The following SOX13 variants were observed in gnomAD, a reference collection of about 807,000 sequenced individuals.
The protein encoded by SOX13 is transcription factor SOX-13.
In SOX13, 28 loss-of-function variants were observed where a neutral mutation model predicts 71.8. The observed-to-expected ratio is 0.39, with a 90% CI of 0.29 to 0.53. The LOEUF is 0.53. Ranked by LOEUF, SOX13 falls within the 20% of genes least tolerant of loss-of-function variation. The pLI is 0.70. For missense variants in SOX13, 627 were observed against 810.3 expected, an observed-to-expected ratio of 0.77 and a Z score of 2.75; for synonymous variants, 309 against 317.8, an observed-to-expected ratio of 0.97 and a Z score of 0.29.
chr1:204,085,424 C>T (rs977338146), intron 1 of SOX13, among the ~76,000 whole-genome samples: 2 of 152,214 alleles, frequency 1.3e-5, no homozygotes, highest in Non-Finnish European at 2.9e-5. Flanking sequence ...TATTGTCCCT[C>T]TTCTTGAGAG....
chr1:204,085,382 C>A (rs544953958), intron 1 of SOX13, among the ~76,000 whole-genome samples: 2 of 152,306 alleles, frequency 1.3e-5, no homozygotes, highest in Admixed American at 6.5e-5. Flanking sequence ...AACTGCCCGA[C>A]ATATAGTAAG....
Position 204,114,541 on chromosome 1 carries a change from G to A in SOX13, c.354G>A (p.Leu118=). The change falls in exon 4 of 14, where the codon CTG becomes CTA. Residue 118 remains leucine, a synonymous_variant. Transcript: ENST00000367204. ...CAGTGGTGCCAGCCATAGAGAAGCT[G>A]TTGTCCAGTGACTGGAAGGAGAGGT... The part of the protein sequence containing the change: ...LKEVVPAIEK[L]LSSDWKERFL... 6.2e-7 allele frequency: 1 copy of A among 1,613,916 alleles called. No homozygotes were observed. The highest frequency in any genetic ancestry group is 1.1e-5 in the South Asian group (1 of 91,078).
intron 2 of SOX13, 142 bp from the exon 3 acceptor site, chr1:204,114,179 C>A: frequency 1.7e-6 from 1 of 589,288 alleles, no homozygotes. Context: ...CAGGTGGAGG[C>A]CAAAGGGACC....
intron 1 of SOX13, among the ~76,000 whole-genome samples, chr1:204,100,710 G>A (rs3795579): frequency 6.6e-6 from 1 of 151,842 alleles, no homozygotes; most frequent in Non-Finnish European, 1.5e-5. Flanking sequence ...AACGGAACGC[G>A]TTGTTCACTG....
intron 1 of SOX13, among the ~76,000 whole-genome samples, chr1:204,111,925 G>A (rs1452039573): frequency 6.6e-6 from 1 of 152,054 alleles, no homozygotes; most frequent in African/African-American, 2.4e-5. Flanking sequence ...AAGACTATAT[G>A]TCTTATATAT....
intron 2 of SOX13, 32 bp from the exon 3 acceptor site, chr1:204,114,289 G>T (rs912316102): frequency 1.4e-5 from 20 of 1,438,080 alleles, no homozygotes; most frequent in Non-Finnish European, 1.8e-5. Flanking sequence ...CTTCTCTTGG[G>T]GGTTATGGTG....
intron 1 of SOX13, among the ~76,000 whole-genome samples, chr1:204,098,337 C>T (rs1338104656): frequency 2.0e-5 from 3 of 152,098 alleles, no homozygotes; most frequent in East Asian, 3.9e-4. Context: ...ATTAGCCGGG[C>T]GTGGAGGCGC....
chr1:204,127,715 T>C lies in SOX13; in HGVS notation c.*1581T>C, dbSNP rs924301903. The stretch of plus-strand genomic sequence containing the variant: ...CTCGGGGGATTTTTTTGTTTTCTGA[T>C]GACATAATAAAGACAGATCATTTCA... On this transcript the variant is annotated 3_prime_UTR_variant, in exon 14 of 14. Transcript: ENST00000367204. The C allele has an allele frequency of 3.3e-5, 5 of 152,638 alleles. No homozygotes were observed. The highest frequency in any genetic ancestry group is 7.2e-5 in the African/African-American group (3 of 41,458). 9.5% of individuals were successfully genotyped at this position (152,638 alleles called of 1,614,324 possible). A position where few individuals can be genotyped will look rare whatever the true frequency, so the allele number is the denominator to read the frequency against.
chr1:204,112,527 A>ACT lies in SOX13; in HGVS notation c.-1-387_-1-386dup, dbSNP rs374243810. On this transcript the variant is annotated intron_variant, in intron 1 of 13. Coordinates refer to ENST00000367204, the MANE Select transcript of SOX13 (RefSeq NM_005686.3). ...CACACACACACACACACACACACAC[A>ACT]CTTTCTCTCTCTCGCTGTCGCTCTC... is the stretch of plus-strand genomic sequence containing the variant. 6.5e-3 allele frequency among the ~76,000 whole-genome samples: 968 copies of ACT among 147,880 alleles called. 8 individuals are homozygous for ACT. The highest frequency in any genetic ancestry group is 0.018 in the African/African-American group (745 of 40,286).
At position 204,117,588 on chromosome 1, in the gene SOX13, T is replaced by G; in HGVS notation, c.661-5T>G. The G allele has an allele frequency of 1.9e-6, 3 of 1,600,164 alleles. No individual in the cohort carries two copies. The highest frequency in any genetic ancestry group is 1.7e-4 in the Middle Eastern group (1 of 6,036). ...GGGACTCACACAGGGTTTCTTTGCC[T>G]TCAGCAGGTTAACATGCCTTATGTC... is the stretch of plus-strand genomic sequence containing the variant. On this transcript the variant is annotated splice_polypyrimidine_tract_variant and splice_region_variant and intron_variant, in intron 6 of 13. Coordinates refer to ENST00000367204, the MANE Select transcript of SOX13 (RefSeq NM_005686.3).
intron 1 of SOX13, among the ~76,000 whole-genome samples, chr1:204,090,978 G>A (rs566796124): frequency 1.2e-4 from 18 of 152,172 alleles, no homozygotes; most frequent in Non-Finnish European, 2.4e-4. Flanking sequence ...CCTTGGACAC[G>A]GGCCGAGGAG....
intron 1 of SOX13, among the ~76,000 whole-genome samples, chr1:204,086,380 T>C (rs980039985): frequency 6.6e-6 from 1 of 152,200 alleles, no homozygotes; most frequent in African/African-American, 2.4e-5. Flanking sequence ...CTCGGCTCAC[T>C]GCAACCTCCG....
At chr1:204,086,429 G>A (rs1385844306) in intron 1 of SOX13, among the ~76,000 whole-genome samples, 2 of 152,002 alleles carry the variant, frequency 1.3e-5, no homozygotes, top group East Asian at 1.9e-4. Context: ...TCAGCCTCCC[G>A]AGTAGCTGGG....
intron 1 of SOX13, 46 bp from the exon 2 acceptor site, chr1:204,112,869 G>A (rs370794011): frequency 1.7e-5 from 27 of 1,543,794 alleles, no homozygotes; most frequent in Non-Finnish European, 8.9e-6. Context: ...CTGGGCAGAA[G>A]TTTACGACTG....
At chr1:204,116,829 C>T in intron 5 of SOX13, 150 bp downstream of exon 5, 9 of 1,374,356 alleles carry the variant, frequency 6.5e-6, no homozygotes, top group Non-Finnish European at 8.8e-6. Context: ...CTGTAGGATT[C>T]CCACCTGGAC....
At chr1:204,121,539 G>T (rs1049972415) in intron 7 of SOX13, among the ~76,000 whole-genome samples, 3 of 152,196 alleles carry the variant, frequency 2.0e-5, no homozygotes, top group African/African-American at 7.2e-5. Flanking sequence ...TACACAACAG[G>T]CAGCCGCTTT....
At chr1:204,124,596 A>G in intron 12 of SOX13, 45 bp from the exon 13 acceptor site, 1 of 1,532,660 alleles carries the variant, frequency 6.5e-7, no homozygotes, top group Non-Finnish European at 8.9e-7. Flanking sequence ...GGGGGTGGTC[A>G]GCAGAGCCCA....
At chr1:204,121,726 G>C in intron 7 of SOX13, 174 bp from the exon 8 acceptor site, 1 of 678,958 alleles carries the variant, frequency 1.5e-6, no homozygotes, top group East Asian at 2.7e-5. Flanking sequence ...GCAGTGTGGA[G>C]TGAGGGGATA....
chr1:204,126,016 G>T lies in SOX13; in HGVS notation c.1751G>T (p.Gly584Val), dbSNP rs1656914026. 4 of 1,613,902 alleles carry T rather than the reference G, an allele frequency of 2.5e-6. No individual in the cohort carries two copies. The South Asian group carries it at 3.3e-5, about 13-fold the overall frequency. ...IVNTCSLREE[G>V]EGTDDRHSVA... ...AACACCTGCAGCCTCAGAGAGGAGG[G>T]TGAGGGCACAGATGACAGGCACTCG... Residue 584 changes from glycine (G) to valine (V), a missense_variant, in exon 14 of 14, where the codon GGT becomes GTT. By Grantham distance (109) the Gly-to-Val change is moderately radical. This residue lies in a region of SOX13 where 148 missense variants were observed against 192.7 expected (regional missense o/e 0.77). Coordinates refer to ENST00000367204, the MANE Select transcript of SOX13 (RefSeq NM_005686.3).
Sources: allele counts gnomAD v4.1 joint callset (sites outside exome capture counted in the v4.1 genomes callset), GRCh38; gene constraint gnomAD v4.1.1; regional missense constraint gnomAD v4.1.1; transcripts MANE v1.5; gene names NCBI Gene and HGNC (gene_info 2026-07-23, HGNC 2026-07-21).